The following GFOD2 variants were observed in gnomAD, a reference collection of about 807,000 sequenced individuals.
GFOD2 encodes Gfo/Idh/MocA-like oxidoreductase domain containing 2.
In GFOD2, 9 loss-of-function variants were observed where a neutral mutation model predicts 24.6. The observed-to-expected ratio is 0.37, with a 90% CI of 0.22 to 0.64. GFOD2 has a LOEUF of 0.64. Among genes scored for constraint, GFOD2 ranks in the 30% least tolerant of loss-of-function variants. GFOD2 has a pLI of 0.65. For missense variants in GFOD2, 476 were observed against 532.5 expected (o/e 0.89, Z 1.04); for synonymous variants, 211 against 224.8 (o/e 0.94, Z 0.55).
chr16:67,713,494 C>G (rs1009457436), intron 1 of GFOD2, among the ~76,000 whole-genome samples: 1 of 152,188 alleles, frequency 6.6e-6, no homozygotes, highest in Admixed American at 6.5e-5. Context: ...CCATCAAAAG[C>G]CCCAGGTTGT....
chr16:67,683,355 A>G (rs1188432375), intron 2 of GFOD2: 77 of 1,225,636 alleles, frequency 6.3e-5, no homozygotes, highest in Non-Finnish European at 7.7e-5. Context: ...GAGCCTCCAG[A>G]GTTCTGGCTC....
intron 2 of GFOD2, chr16:67,681,041 A>G: frequency 1.0e-6 from 1 of 985,418 alleles, no homozygotes; most frequent in Non-Finnish European, 1.2e-6. Context: ...CTGCTTCTGG[A>G]GGGTCTCCAG....
intron 2 of GFOD2, chr16:67,681,803 A>C: frequency 3.0e-6 from 3 of 985,300 alleles, no homozygotes; most frequent in Non-Finnish European, 3.6e-6. Flanking sequence ...GGCTAGCTGT[A>C]CAGAGTCTTT....
intron 1 of GFOD2, among the ~76,000 whole-genome samples, chr16:67,710,565 T>A (rs1192408754): frequency 6.6e-6 from 1 of 151,886 alleles, no homozygotes; most frequent in Non-Finnish European, 1.5e-5. Flanking sequence ...GGTTTCACCG[T>A]GTTAGCCAGG....
At chr16:67,677,046 C>T (rs1287611282) in intron 2 of GFOD2, 1 of 152,092 alleles carries the variant, frequency 6.6e-6, no homozygotes, top group African/African-American at 2.4e-5. Flanking sequence ...TAGACACATA[C>T]AGAAGTTTAC....
At chr16:67,683,026 T>C in intron 2 of GFOD2, 1 of 270,710 alleles carries the variant, frequency 3.7e-6, no homozygotes, top group Non-Finnish European at 5.7e-6. Flanking sequence ...GAGTGCATGA[T>C]CACTGCTCAC....
rs750521046 is a variant in GFOD2 at position 67,685,503 on chromosome 16, G to A, written c.213C>T (p.Ile71=). The A allele has an allele frequency of 1.2e-5, 20 of 1,614,012 alleles. No homozygotes were observed. The highest frequency in any genetic ancestry group is 1.4e-5 in the Non-Finnish European group (16 of 1,180,020). Residue 71 remains isoleucine (I), a synonymous_variant, in exon 2 of 3, where the codon ATC becomes ATT. Coordinates refer to ENST00000268797, the MANE Select transcript of GFOD2 (RefSeq NM_030819.4). ...GCCGGGTGAGTGGAGGGGGGATGCT[G>A]ATGCACACCAGATCCACATCTTGAT... is the stretch of plus-strand genomic sequence containing the variant. The part of the protein sequence containing the change: ...LLHQDVDLVC[I]SIPPPLTRQI...
chr16:67,678,068 T>C (rs968666013), intron 2 of GFOD2, among the ~76,000 whole-genome samples: 7 of 152,256 alleles, frequency 4.6e-5, no homozygotes, highest in African/African-American at 1.7e-4. Context: ...CTTACCCTGA[T>C]GGACCAAGAT....
chr16:67,690,893 C>T (rs979344041), intron 1 of GFOD2, among the ~76,000 whole-genome samples: 14 of 151,838 alleles, frequency 9.2e-5, no homozygotes, highest in Non-Finnish European at 1.8e-4. Flanking sequence ...AATGGAGTCT[C>T]ACTCTGTCAT....
At chr16:67,689,099 G>A (rs2053292199) in intron 1 of GFOD2, among the ~76,000 whole-genome samples, 1 of 150,674 alleles carries the variant, frequency 6.6e-6, no homozygotes. Flanking sequence ...GAGTGCAGTG[G>A]CGCAATCTCA....
intron 2 of GFOD2, chr16:67,684,033 C>T: frequency 3.0e-6 from 1 of 336,984 alleles, no homozygotes; most frequent in Non-Finnish European, 4.2e-6. Flanking sequence ...TTTGAATGTC[C>T]AAAATGACAT....
intron 2 of GFOD2, chr16:67,681,207 C>G: frequency 1.0e-6 from 1 of 985,494 alleles, no homozygotes; most frequent in Non-Finnish European, 1.2e-6. Flanking sequence ...AGCTGCTGTT[C>G]TGGCCAATTC....
intron 1 of GFOD2, among the ~76,000 whole-genome samples, chr16:67,717,481 T>G (rs895609628): frequency 1.3e-5 from 2 of 152,176 alleles, no homozygotes; most frequent in Non-Finnish European, 2.9e-5. Flanking sequence ...AGATAGCAAT[T>G]GCCCTAGCAA....
chr16:67,685,185 G>C, intron 2 of GFOD2: 1 of 1,401,878 alleles, frequency 7.1e-7, no homozygotes, highest in East Asian at 2.6e-5. Context: ...ACTTTATGTT[G>C]ACTGAGATGC....
chr16:67,687,640 C>CAA (rs11302803), intron 1 of GFOD2, among the ~76,000 whole-genome samples: 3 of 49,040 alleles, frequency 6.1e-5, no homozygotes, highest in Admixed American at 2.5e-4. Context: ...GACTCCGTCT[C>CAA]AAAAAAAAAA....
chr16:67,689,030 A>G (rs1490240919), intron 1 of GFOD2, among the ~76,000 whole-genome samples: 10 of 125,054 alleles, frequency 8.0e-5, no homozygotes, highest in Non-Finnish European at 1.7e-4. Context: ...TGAGCCACCG[A>G]GCCTGACCTA....
chr16:67,704,128 T>C (rs918140490), intron 1 of GFOD2, among the ~76,000 whole-genome samples: 5 of 152,252 alleles, frequency 3.3e-5, no homozygotes, highest in Non-Finnish European at 7.3e-5. Flanking sequence ...CATTTTACTA[T>C]GTCCATAATG....
chr16:67,688,703 A>T (rs1597795018), intron 1 of GFOD2, among the ~76,000 whole-genome samples: 2 of 152,000 alleles, frequency 1.3e-5, no homozygotes, highest in African/African-American at 4.8e-5. Context: ...ATGTTATTTT[A>T]AAAATTGTAG....
intron 2 of GFOD2, chr16:67,682,775 C>T (rs1048801178): frequency 6.1e-6 from 6 of 985,270 alleles, no homozygotes; most frequent in Non-Finnish European, 4.8e-6. Flanking sequence ...AATCACAGCA[C>T]GAAGACTTGG....
Sources: allele counts gnomAD v4.1 joint callset (sites outside exome capture counted in the v4.1 genomes callset), GRCh38; gene constraint gnomAD v4.1.1; transcripts MANE v1.5; gene names NCBI Gene and HGNC (gene_info 2026-07-23, HGNC 2026-07-21).